FAM193A: variants seen among roughly 807,000 people sequenced by gnomAD.
FAM193A encodes protein FAM193A.
FAM193A carries 22 observed loss-of-function variants against 126.5 expected under a neutral mutation model. The ratio of observed to expected loss-of-function variants is 0.17; its 90% CI spans 0.12 to 0.25. The LOEUF (loss-of-function observed/expected upper bound fraction) is 0.25. FAM193A is among the 10% of genes least tolerant of loss of function. The probability of loss-of-function intolerance (pLI) is 1.00; values close to 1 mark genes in which losing one functional copy is unlikely to be tolerated. For synonymous variants in FAM193A, 761 were observed against 646.8 expected, an observed-to-expected ratio of 1.18 and a Z score of -2.68; for missense variants, 1,675 against 1,672.8, an observed-to-expected ratio of 1.00 and a Z score of -0.02.
chr4:2,641,577 C>G (rs1744632040), intron 6 of FAM193A, among the ~76,000 whole-genome samples: 1 of 152,058 alleles, frequency 6.6e-6, no homozygotes, highest in Non-Finnish European at 1.5e-5. Context: ...ATGGCGTGAA[C>G]CCAGGAGGCG....
At chr4:2,616,154 G>A (rs2108954347) in intron 2 of FAM193A, among the ~76,000 whole-genome samples, 1 of 152,268 alleles carries the variant, frequency 6.6e-6, no homozygotes, top group East Asian at 1.9e-4. Context: ...TCTACTTTAG[G>A]TATTTTGAGC....
intron 2 of FAM193A, among the ~76,000 whole-genome samples, chr4:2,608,398 CAA>C (rs545363110): frequency 3.8e-4 from 58 of 152,240 alleles, no homozygotes; most frequent in African/African-American, 1.3e-3. Flanking sequence ...AGGCTGGTCT[CAA>C]ACTCCTGGGC....
intron 1 of FAM193A, among the ~76,000 whole-genome samples, chr4:2,593,204 T>C (rs753130006): frequency 6.6e-6 from 1 of 152,170 alleles, no homozygotes; most frequent in Non-Finnish European, 1.5e-5. Context: ...CCTTATCCAC[T>C]TCCCTTCCTG....
intron 1 of FAM193A, among the ~76,000 whole-genome samples, chr4:2,545,518 G>C (rs535790465): frequency 6.6e-6 from 1 of 151,854 alleles, no homozygotes; most frequent in Non-Finnish European, 1.5e-5. Context: ...ATTCCTTTCT[G>C]TACATGTGTT....
chr4:2,633,446 G>GA (rs1743799191), intron 5 of FAM193A, among the ~76,000 whole-genome samples: 1 of 151,860 alleles, frequency 6.6e-6, no homozygotes, highest in Non-Finnish European at 1.5e-5. Context: ...CTTGTGGCTT[G>GA]AAAAAAATGC....
intron 6 of FAM193A, among the ~76,000 whole-genome samples, chr4:2,645,544 T>C (rs1745051128): frequency 6.6e-6 from 1 of 152,178 alleles, no homozygotes; most frequent in African/African-American, 2.4e-5. Flanking sequence ...CTTTTTTTAT[T>C]GAGGCATAGT....
At chr4:2,614,977 T>G (rs965118170) in intron 2 of FAM193A, 1 of 152,192 alleles carries the variant, frequency 6.6e-6, no homozygotes, top group Non-Finnish European at 1.5e-5. Context: ...GAGTTTTGTC[T>G]TTTTTTCCCC....
intron 1 of FAM193A, among the ~76,000 whole-genome samples, chr4:2,563,106 A>C (rs1400903193): frequency 6.6e-6 from 1 of 151,110 alleles, no homozygotes; most frequent in Admixed American, 6.6e-5. Context: ...CACCATGCCC[A>C]GCTAATTTTT....
chr4:2,576,171 A>G (rs1055210693), intron 1 of FAM193A, among the ~76,000 whole-genome samples: 1 of 152,034 alleles, frequency 6.6e-6, no homozygotes, highest in African/African-American at 2.4e-5. Context: ...ATCTCGGCTC[A>G]CTGCAACCTC....
intron 10 of FAM193A, among the ~76,000 whole-genome samples, chr4:2,661,883 C>T (rs574384298): frequency 6.6e-6 from 1 of 152,124 alleles, no homozygotes; most frequent in Non-Finnish European, 1.5e-5. Context: ...GCCTTGAAAT[C>T]TGTTTAAAAT....
chr4:2,679,227 C>A (rs1714802960), intron 13 of FAM193A, among the ~76,000 whole-genome samples: 1 of 152,136 alleles, frequency 6.6e-6, no homozygotes. Context: ...ACTTTTTATA[C>A]ATAGAATTAT....
chr4:2,711,333 T>TG (rs1239986715), intron 19 of FAM193A, among the ~76,000 whole-genome samples: 1 of 150,706 alleles, frequency 6.6e-6, no homozygotes, highest in East Asian at 2.0e-4. Flanking sequence ...CCTTTTTTGT[T>TG]TGTTTGTTTG....
intron 13 of FAM193A, among the ~76,000 whole-genome samples, chr4:2,688,352 G>C (rs1396224465): frequency 1.3e-5 from 2 of 152,184 alleles, no homozygotes; most frequent in African/African-American, 2.4e-5. Flanking sequence ...GTTGGTTCCT[G>C]GGAGGTGACA....
At chr4:2,618,884 C>A (rs552135551) in intron 2 of FAM193A, among the ~76,000 whole-genome samples, 1 of 152,136 alleles carries the variant, frequency 6.6e-6, no homozygotes, top group Non-Finnish European at 1.5e-5. Flanking sequence ...GTGTGAGCCA[C>A]TGCGCCTGGC....
At chr4:2,644,337 C>T (rs969118960) in intron 6 of FAM193A, among the ~76,000 whole-genome samples, 1 of 152,206 alleles carries the variant, frequency 6.6e-6, no homozygotes, top group African/African-American at 2.4e-5. Context: ...GGTATAATGC[C>T]GCATCCCAAC....
At position 2,596,162 on chromosome 4, in the gene FAM193A, C is replaced by T. The variant is rs1334639799; in HGVS notation, c.334C>T (p.Arg112Trp). ...GDYCLLCRSE[R>W]KDSSFLESGI... The stretch of plus-strand genomic sequence containing the variant: ...TTATTGTCTTCTGTGCAGAAGTGAA[C>T]GGAAAGACTCATCATTCTTAGAGAG... The change falls in exon 2 of 21, where the codon CGG (arginine) becomes TGG (tryptophan). Residue 112 changes from arginine (R) to tryptophan (W), a missense_variant. Around this residue, in one of 4 missense-constraint regions of FAM193A, gnomAD observed 1,186 missense variants for 1,109.2 expected, o/e 1.07. Transcript: ENST00000637812. 7.1e-6 allele frequency: 5 copies of T among 702,886 alleles called. No homozygotes were observed. Among genetic ancestry groups the T allele is most frequent in the East Asian group, 5.4e-5 (2 of 37,290 alleles). The allele number at this position is 702,886 out of a possible 1,614,324, so 43.5% of individuals were successfully genotyped here.
At chr4:2,618,617 C>T (rs1424273498) in intron 2 of FAM193A, among the ~76,000 whole-genome samples, 8 of 97,326 alleles carry the variant, frequency 8.2e-5, no homozygotes, top group African/African-American at 2.5e-4. Flanking sequence ...TTTTTTGAGA[C>T]GAAGTTTTGC....
chr4:2,652,909 G>A (rs1433655757), intron 7 of FAM193A, among the ~76,000 whole-genome samples: 3 of 152,220 alleles, frequency 2.0e-5, no homozygotes, highest in South Asian at 2.1e-4. Context: ...GCCAAACCCC[G>A]TGTGGCTAGA....
intron 1 of FAM193A, among the ~76,000 whole-genome samples, chr4:2,591,521 C>T (rs781292463): frequency 6.6e-5 from 10 of 152,070 alleles, no homozygotes; most frequent in Non-Finnish European, 1.2e-4. Flanking sequence ...CAGCACGGGG[C>T]CTTTGTTGTG....
Sources: gnomAD v4.1 joint callset for allele counts (sites outside exome capture counted in the v4.1 genomes callset) on GRCh38, gnomAD v4.1.1 for gene constraint, gnomAD v4.1.1 regional missense constraint, MANE v1.5 for transcripts, NCBI Gene and HGNC (gene_info 2026-07-23, HGNC 2026-07-21) for gene names.